Variants in RAPGEF6 observed in about 807,000 individuals in gnomAD.
RAPGEF6 encodes Rap guanine nucleotide exchange factor 6.
Under a neutral mutation model 171.4 loss-of-function variants are expected in RAPGEF6, and 56 were observed. The ratio of observed to expected loss-of-function variants is 0.33; its 90% CI spans 0.26 to 0.41. The LOEUF (loss-of-function observed/expected upper bound fraction) is 0.41, where lower values mean the gene tolerates loss of function less well. Among genes scored for constraint, RAPGEF6 ranks in the 10% least tolerant of loss-of-function variants. The probability of loss-of-function intolerance (pLI) is 1.00; values close to 1 mark genes in which losing one functional copy is unlikely to be tolerated. For missense variants in RAPGEF6, 1,674 were observed against 1,921.4 expected (o/e 0.87, Z 2.41); for synonymous variants, 692 against 650.1 (o/e 1.06, Z -0.98).
At chr5:131,615,904 T>A (rs1002689941) in intron 1 of RAPGEF6, among the ~76,000 whole-genome samples, 38 of 143,816 alleles carry the variant, frequency 2.6e-4, no homozygotes, top group African/African-American at 9.4e-4. Context: ...CTGTCTCAAT[T>A]AAAAAAAAAA....
intron 17 of RAPGEF6, among the ~76,000 whole-genome samples, chr5:131,470,006 T>G (rs913744635): frequency 1.3e-5 from 2 of 152,190 alleles, no homozygotes; most frequent in Non-Finnish European, 2.9e-5. Context: ...TATACATATG[T>G]GATGTACATG....
chr5:131,573,475 A>T (rs1333707218), intron 4 of RAPGEF6, among the ~76,000 whole-genome samples: 10 of 151,908 alleles, frequency 6.6e-5, no homozygotes, highest in African/African-American at 2.4e-4. Context: ...AAATGGAGTC[A>T]CTCCATTTAA....
At chr5:131,439,939 AT>A in intron 23 of RAPGEF6, 1 of 740,744 alleles carries the variant, frequency 1.3e-6, no homozygotes, top group Non-Finnish European at 2.1e-6. Flanking sequence ...ACCAGATTAT[AT>A]TAGTTTGTCT....
intron 7 of RAPGEF6, among the ~76,000 whole-genome samples, chr5:131,516,861 T>C (rs1048943269): frequency 1.3e-5 from 2 of 152,208 alleles, no homozygotes; most frequent in African/African-American, 2.4e-5. Context: ...CTCCACACTA[T>C]AGTACATGCT....
At chr5:131,482,502 T>C (rs555318326) in intron 15 of RAPGEF6, among the ~76,000 whole-genome samples, 2 of 152,252 alleles carry the variant, frequency 1.3e-5, no homozygotes, top group South Asian at 4.1e-4. Context: ...GTGGTCTCAC[T>C]ATGTTTCCTA....
In RAPGEF6 at chr5:131,427,022, G is replaced by A. The variant is rs970493191; in HGVS notation, c.*244C>T. 38 of 513,646 alleles carry A rather than the reference G, an allele frequency of 7.4e-5. No homozygotes were observed. The highest frequency in any genetic ancestry group is 5.6e-4 in the African/African-American group (28 of 50,348). The allele number at this position is 513,646 out of a possible 1,614,324, so 31.8% of individuals were successfully genotyped here. A position where few individuals can be genotyped will look rare whatever the true frequency, so the allele number is the denominator to read the frequency against. On this transcript the variant is annotated 3_prime_UTR_variant, in exon 28 of 28. Coordinates refer to ENST00000509018, the MANE Select transcript of RAPGEF6 (RefSeq NM_016340.6). ...GTAACTGTGGTCCCAAGGCAGTTCC[G>A]GCGTGCAAAGTGGAGACTGGTATCC...
At chr5:131,488,251 G>A (rs1393967454) in intron 15 of RAPGEF6, among the ~76,000 whole-genome samples, 2 of 152,112 alleles carry the variant, frequency 1.3e-5, no homozygotes, top group South Asian at 2.1e-4. Flanking sequence ...CAGAGTTCAT[G>A]GGGGTTCACA....
At chr5:131,431,643 T>C (rs1751717995) in intron 25 of RAPGEF6, among the ~76,000 whole-genome samples, 2 of 151,722 alleles carry the variant, frequency 1.3e-5, no homozygotes, top group African/African-American at 4.8e-5. Context: ...AGACAGGGTG[T>C]CACTCTGTTG....
At chr5:131,596,820 A>G (rs1408904116) in intron 3 of RAPGEF6, among the ~76,000 whole-genome samples, 1 of 152,214 alleles carries the variant, frequency 6.6e-6, no homozygotes, top group Non-Finnish European at 1.5e-5. Context: ...GCTATACAAC[A>G]CTGTGCTAGG....
chr5:131,488,647 C>T (rs370086787), intron 15 of RAPGEF6, among the ~76,000 whole-genome samples: 4 of 152,154 alleles, frequency 2.6e-5, no homozygotes, highest in African/African-American at 7.2e-5. Context: ...AAAAACCCCA[C>T]GTTTCATTTT....
In RAPGEF6 at chr5:131,457,546, G is replaced by A. The variant is rs905837699; in HGVS notation, c.2865-1534C>T. 7.2e-5 allele frequency among the ~76,000 whole-genome samples: 11 copies of A among 152,306 alleles called. No homozygotes were observed. In the East Asian group the frequency reaches 1.2e-3, roughly 16 times the overall value. On this transcript the variant is annotated intron_variant, in intron 19 of 27. Transcript: ENST00000509018. ...ACATACAAGGCTAACTCCTGCTACC[G>A]TGGAATACTGCTGCATGGATCCACT... is the stretch of plus-strand genomic sequence containing the variant.
At chr5:131,546,534 G>T (rs938204846) in intron 6 of RAPGEF6, among the ~76,000 whole-genome samples, 2 of 151,984 alleles carry the variant, frequency 1.3e-5, no homozygotes, top group Non-Finnish European at 2.9e-5. Context: ...AACCCAGGAG[G>T]CAGAGGTTGC....
chr5:131,440,987 A>G (rs543624418), intron 23 of RAPGEF6, among the ~76,000 whole-genome samples: 2 of 152,122 alleles, frequency 1.3e-5, no homozygotes, highest in Non-Finnish European at 2.9e-5. Context: ...TGAGCTCTCT[A>G]TCTCCAGTCC....
chr5:131,605,807 G>A (rs1764523224), intron 1 of RAPGEF6, among the ~76,000 whole-genome samples: 1 of 151,934 alleles, frequency 6.6e-6, no homozygotes, highest in African/African-American at 2.4e-5. Flanking sequence ...GAGGCGGGCG[G>A]AACATGAGGT....
chr5:131,570,248 T>TA (rs993048974), intron 4 of RAPGEF6, among the ~76,000 whole-genome samples: 17 of 152,040 alleles, frequency 1.1e-4, no homozygotes, highest in African/African-American at 4.1e-4. Context: ...AAAGACCCCC[T>TA]ACATCACTCA....
At chr5:131,600,673 A>T (rs1219895162) in intron 3 of RAPGEF6, among the ~76,000 whole-genome samples, 1 of 152,022 alleles carries the variant, frequency 6.6e-6, no homozygotes, top group Non-Finnish European at 1.5e-5. Flanking sequence ...GAAAAAAAGA[A>T]ACGTGATGGG....
chr5:131,434,566 T>C (rs553118497), intron 24 of RAPGEF6, among the ~76,000 whole-genome samples: 1 of 152,322 alleles, frequency 6.6e-6, no homozygotes, highest in African/African-American at 2.4e-5. Context: ...TTGTTTTAGG[T>C]TTAAACTTAG....
Position 131,426,705 on chromosome 5 carries a change from A to AGGTGG in RAPGEF6, c.*560_*561insCCACC. ...TCACATCTCTGTGTAGATCAAGCATATCACCTCTGTAAAGATGACTTCTGT... is the reference window on the plus strand; with the variant it reads ...TCACATCTCTGTGTAGATCAAGCATAGGTGGTCACCTCTGTAAAGATGACTTCTGT... On this transcript the variant is annotated 3_prime_UTR_variant, in exon 28 of 28. Transcript: ENST00000509018. 7.2e-6 allele frequency: 1 copy of AGGTGG among 139,744 alleles called. No individual in the cohort carries two copies. Among genetic ancestry groups the AGGTGG allele is most frequent in the Non-Finnish European group, 1.6e-5 (1 of 63,284 alleles). The allele number at this position is 139,744 out of a possible 1,614,324, so 8.7% of individuals were successfully genotyped here.
intron 5 of RAPGEF6, among the ~76,000 whole-genome samples, chr5:131,552,640 T>C (rs1292347728): frequency 1.3e-5 from 2 of 152,000 alleles, no homozygotes; most frequent in Non-Finnish European, 2.9e-5. Flanking sequence ...TTGGTATTTT[T>C]AGTAGAGATG....
Sources: allele counts gnomAD v4.1 joint callset (sites outside exome capture counted in the v4.1 genomes callset), GRCh38; gene constraint gnomAD v4.1.1; transcripts MANE v1.5; gene names NCBI Gene and HGNC (gene_info 2026-07-23, HGNC 2026-07-21).